Variants in ERC1 observed in about 807,000 individuals in gnomAD.
ERC1 encodes RAB6 interacting protein 2.
Under a neutral mutation model 132.0 loss-of-function variants are expected in ERC1, and 56 were observed. The observed-to-expected ratio is 0.42, with a 90% CI of 0.34 to 0.53. ERC1 has a LOEUF of 0.53. Ranked by LOEUF, ERC1 falls within the 20% of genes least tolerant of loss-of-function variation. ERC1 has a pLI of 0.03. For synonymous variants in ERC1, 478 were observed against 476.1 expected (o/e 1.00, Z -0.05); for missense variants, 1,202 against 1,349.9 (o/e 0.89, Z 1.72).
intron 2 of ERC1, among the ~76,000 whole-genome samples, chr12:1,055,142 A>G (rs1009401854): frequency 6.6e-6 from 1 of 151,496 alleles, no homozygotes; most frequent in African/African-American, 2.4e-5. Flanking sequence ...AATGTTAAGG[A>G]TTTCCTTTCC....
intron 12 of ERC1, among the ~76,000 whole-genome samples, chr12:1,232,388 G>A (rs764251319): frequency 6.6e-6 from 1 of 152,134 alleles, no homozygotes; most frequent in East Asian, 1.9e-4. Context: ...ATTCATTTAC[G>A]TGAGCTAGGT....
intron 12 of ERC1, among the ~76,000 whole-genome samples, chr12:1,228,803 G>A (rs2074802628): frequency 6.6e-6 from 1 of 152,126 alleles, no homozygotes. Flanking sequence ...CGTTCATTCT[G>A]TTAGTGTGGT....
intron 15 of ERC1, among the ~76,000 whole-genome samples, chr12:1,314,701 G>T (rs929413237): frequency 2.0e-5 from 3 of 152,058 alleles, no homozygotes; most frequent in African/African-American, 2.4e-5. Flanking sequence ...TACTGTCAAA[G>T]CTTTTTTCTT....
intron 12 of ERC1, among the ~76,000 whole-genome samples, chr12:1,213,962 A>G (rs184497501): frequency 7.9e-4 from 120 of 152,276 alleles, no homozygotes; most frequent in Non-Finnish European, 1.2e-3. Context: ...ATGAATCCAT[A>G]TGAGAATGCC....
In ERC1 at chr12:1,231,145, A is replaced by AT. The variant is rs60323949; in HGVS notation, c.2352-5613dup. Among the ~76,000 whole-genome samples, 1,059 of 147,042 alleles carry AT rather than the reference A, an allele frequency of 7.2e-3. 13 individuals are homozygous for AT. The highest frequency in any genetic ancestry group is 0.022 in the African/African-American group (897 of 40,202). The stretch of plus-strand genomic sequence containing the variant: ...TCTTGCTGCCTTCCTTTCTGATTTG[A>AT]TTTTTTTTTTTGTAATTGTATGCTT... On this transcript the variant is annotated intron_variant, in intron 12 of 18. Coordinates refer to ENST00000360905, the MANE Select transcript of ERC1 (RefSeq NM_178040.4).
At chr12:1,185,120 A>G (rs894472829) in intron 11 of ERC1, among the ~76,000 whole-genome samples, 12 of 152,114 alleles carry the variant, frequency 7.9e-5, no homozygotes, top group African/African-American at 2.9e-4. Context: ...TATTTTGACC[A>G]GGCTGGTCTC....
At chr12:1,387,848 A>T (rs961681983) in intron 16 of ERC1, among the ~76,000 whole-genome samples, 1 of 152,210 alleles carries the variant, frequency 6.6e-6, no homozygotes, top group African/African-American at 2.4e-5. Context: ...TAACACATGG[A>T]GTAGGTAACA....
At chr12:1,001,708 T>C (rs1050208922) in intron 1 of ERC1, among the ~76,000 whole-genome samples, 10 of 152,230 alleles carry the variant, frequency 6.6e-5, no homozygotes, top group Non-Finnish European at 1.2e-4. Context: ...TTTAGATTTG[T>C]ATGTAGCTGT....
chr12:1,051,915 GCC>G (rs1972084886), intron 2 of ERC1, among the ~76,000 whole-genome samples: 1 of 50,622 alleles, frequency 2.0e-5, no homozygotes, highest in Non-Finnish European at 3.6e-5. Context: ...CCTTATGATC[GCC>G]TCTGCTCCTG....
chr12:1,196,859 ACTCTCTCT>A (rs1196181216), intron 12 of ERC1, among the ~76,000 whole-genome samples: 14 of 33,534 alleles, frequency 4.2e-4, no homozygotes, highest in Admixed American at 1.0e-3. Context: ...TCTCTCTCTC[ACTCTCTCT>A]CTCTCTCTCT....
intron 8 of ERC1, among the ~76,000 whole-genome samples, chr12:1,146,307 G>GTTTTTTT (rs1346178811): frequency 1.3e-4 from 8 of 59,394 alleles, no homozygotes; most frequent in Non-Finnish European, 2.2e-4. Flanking sequence ...GTATTTTACT[G>GTTTTTTT]GTTTTTTTTT....
At chr12:1,232,484 G>A (rs781690002) in intron 12 of ERC1, among the ~76,000 whole-genome samples, 3 of 152,054 alleles carry the variant, frequency 2.0e-5, no homozygotes, top group Non-Finnish European at 2.9e-5. Context: ...TGCTTTTGTC[G>A]TTTTTAATTC....
intron 16 of ERC1, among the ~76,000 whole-genome samples, chr12:1,387,832 G>A (rs1428414782): frequency 1.3e-5 from 2 of 152,186 alleles, no homozygotes; most frequent in East Asian, 3.8e-4. Flanking sequence ...GGCAGCTCCA[G>A]GAAACTAACA....
At chr12:1,003,096 C>CAAAAAAAAAAA (rs59507923) in intron 1 of ERC1, among the ~76,000 whole-genome samples, 1 of 86,920 alleles carries the variant, frequency 1.2e-5, no homozygotes, top group Non-Finnish European at 2.0e-5. Flanking sequence ...ATGAAAAATG[C>CAAAAAAAAAAA]AAAAAAAAAA....
At chr12:1,101,943 T>G (rs1944711183) in intron 3 of ERC1, among the ~76,000 whole-genome samples, 1 of 152,216 alleles carries the variant, frequency 6.6e-6, no homozygotes, top group African/African-American at 2.4e-5. Context: ...GCTTTTTTTC[T>G]AATTCGCATA....
At chr12:1,232,093 T>C (rs1352699662) in intron 12 of ERC1, among the ~76,000 whole-genome samples, 1 of 152,172 alleles carries the variant, frequency 6.6e-6, no homozygotes, top group Non-Finnish European at 1.5e-5. Context: ...ATTAGCACTT[T>C]GACTATATCA....
Position 1,035,615 on chromosome 12 carries a change from T to A in ERC1, c.669+7043T>A, listed in dbSNP as rs17755839. Among the ~76,000 whole-genome samples the A allele has an allele frequency of 3.9e-5, 6 of 152,186 alleles. No individual in the cohort carries two copies. The South Asian group carries it at 1.2e-3, about 32-fold the overall frequency. The stretch of plus-strand genomic sequence containing the variant: ...AATCTAGCTGTGAGCTTGGTGGAAC[T>A]GCAGAGCTACTAAGACTTTGGATGG... On this transcript the variant is annotated intron_variant, in intron 2 of 18. Transcript: ENST00000360905.
rs553101716 is a variant in ERC1 at position 1,363,502 on chromosome 12, G to A, written c.2781-8331G>A. Among the ~76,000 whole-genome samples the A allele has an allele frequency of 1.1e-4, 17 of 150,114 alleles. 1 individual carries two copies. The highest frequency in any genetic ancestry group is 4.2e-4 in the African/African-American group (17 of 40,958). On this transcript the variant is annotated intron_variant, in intron 15 of 18. Transcript: ENST00000360905. ...AAAAATGGAAGTCAGTCCATATTGG[G>A]ATAACTTCTCTACCCATTCCCTTGT...
At chr12:1,219,681 G>A (rs1479819295) in intron 12 of ERC1, among the ~76,000 whole-genome samples, 2 of 144,402 alleles carry the variant, frequency 1.4e-5, no homozygotes, top group Non-Finnish European at 3.0e-5. Context: ...TGTTACCCGG[G>A]CTAGAGTAGC....
Sources: allele counts gnomAD v4.1 joint callset (sites outside exome capture counted in the v4.1 genomes callset), GRCh38; gene constraint gnomAD v4.1.1; transcripts MANE v1.5; gene names NCBI Gene and HGNC (gene_info 2026-07-23, HGNC 2026-07-21).